The following FRK variants were observed in gnomAD, a reference collection of about 807,000 sequenced individuals.
FRK encodes the protein tyrosine-protein kinase FRK.
In FRK, 51 loss-of-function variants were observed where a neutral mutation model predicts 56.4. The observed-to-expected ratio is 0.90, with a 90% confidence interval of 0.72 to 1.14. The LOEUF is 1.14. Among genes scored for constraint, FRK ranks in the 50% most tolerant of loss-of-function variants. FRK has a pLI of 0.00. For synonymous variants in FRK, 245 were observed against 217.9 expected (o/e 1.12, Z -1.10); for missense variants, 570 against 601.4 (o/e 0.95, Z 0.55).
chr6:116,008,689 G>T (rs1206549895), intron 1 of FRK, among the ~76,000 whole-genome samples: 1 of 152,176 alleles, frequency 6.6e-6, no homozygotes, highest in African/African-American at 2.4e-5. Context: ...TAGAGCCTCT[G>T]CTGGCCCCAT....
At chr6:115,988,888 A>C (rs1189889735) in intron 2 of FRK, among the ~76,000 whole-genome samples, 1 of 152,000 alleles carries the variant, frequency 6.6e-6, no homozygotes, top group African/African-American at 2.4e-5. Flanking sequence ...ACTGAACTTA[A>C]TTTCTCAAGC....
intron 7 of FRK, 80 bp from the exon 8 acceptor site, chr6:115,942,705 C>T (rs994435952): frequency 9.3e-5 from 109 of 1,177,122 alleles, no homozygotes; most frequent in Non-Finnish European, 1.2e-4. Flanking sequence ...GCCATTTATA[C>T]TCTAGGTTAC....
the FRK span, among the ~76,000 whole-genome samples, chr6:116,088,153 T>C: frequency 1.3e-5 from 2 of 152,228 alleles, no homozygotes; most frequent in African/African-American, 4.8e-5. Flanking sequence ...TTTTTGGTAT[T>C]GTTACTGGCT....
chr6:116,003,909 C>T lies in FRK; in HGVS notation c.434G>A (p.Ser145Asn). Residue 145 changes from serine to asparagine, a missense_variant, in exon 2 of 8, where the codon AGT (serine) becomes AAT (asparagine). Ser to Asn is a conservative substitution (Grantham distance 46, BLOSUM62 1). Coordinates refer to ENST00000606080, the MANE Select transcript of FRK (RefSeq NM_002031.3). ...AGAGAATTCTCCTTTTTGGCTTTCA[C>T]TTTCTCTGATTAGAAAGGAACCGGT... is the stretch of plus-strand genomic sequence containing the variant. ...NKTGSFLIRE[S>N]ESQKGEFSLS... The T allele has an allele frequency of 6.2e-7, 1 of 1,613,620 alleles. No individual in the cohort carries two copies. Among genetic ancestry groups the T allele is most frequent in the East Asian group, 2.2e-5 (1 of 44,810 alleles).
chr6:116,003,961 T>A lies in FRK; in HGVS notation c.382A>T (p.Lys128Ter). The A allele has an allele frequency of 6.2e-7, 1 of 1,613,204 alleles. No homozygotes were observed. The highest frequency in any genetic ancestry group is 8.5e-7 in the Non-Finnish European group (1 of 1,179,388). Reference protein sequence around the residue: ...FGAIGRSDAEKQLLYSENKTG... With the variant: ...FGAIGRSDAE ...TTGTTTTCTGAATATAATAGTTGTTTCTCTGCATCTGATCTTCCGATTGCT... is the reference window on the plus strand; with the variant it reads ...TTGTTTTCTGAATATAATAGTTGTTACTCTGCATCTGATCTTCCGATTGCT... Residue 128 changes from lysine to a stop codon, truncating the protein, a stop_gained, in exon 2 of 8, where the codon AAA becomes TAA. Transcript: ENST00000606080. LOFTEE classifies it high-confidence loss of function.
Position 116,060,192 on chromosome 6 carries a change from T to C in FRK, c.120A>G (p.Ser40=). ...CCACAAAGTAGTGGCCATGCCTCTG[T>C]GACTGGGGAGAGCAAAGGGCCCCTG... ...ENPGALCSPQ[S]QRHGHYFVAL... is the part of the protein sequence containing the mutation. The change falls in exon 1 of 8, where the codon TCA becomes TCG. Residue 40 remains serine (S), a synonymous_variant. Transcript: ENST00000606080. The C allele has an allele frequency of 6.2e-7, 1 of 1,614,170 alleles. No individual in the cohort carries two copies. The highest frequency in any genetic ancestry group is 8.5e-7 in the Non-Finnish European group (1 of 1,180,026).
At chr6:115,989,697 A>G (rs76552204) in intron 2 of FRK, among the ~76,000 whole-genome samples, 1 of 151,838 alleles carries the variant, frequency 6.6e-6, no homozygotes, top group Non-Finnish European at 1.5e-5. Flanking sequence ...ATTGACACTT[A>G]TGTTGATACC....
chr6:115,995,808 A>G (rs886290161), intron 2 of FRK, among the ~76,000 whole-genome samples: 5 of 152,174 alleles, frequency 3.3e-5, no homozygotes, highest in African/African-American at 1.2e-4. Flanking sequence ...TTTATAGAGT[A>G]TTTAAAACAT....
chr6:115,944,204 G>C, intron 6 of FRK, 40 bp downstream of exon 6: 1 of 1,510,944 alleles, frequency 6.6e-7, no homozygotes, highest in South Asian at 1.2e-5. Context: ...TTAGACTTTT[G>C]ACCTATTACA....
the FRK span, among the ~76,000 whole-genome samples, chr6:116,100,217 A>G: frequency 6.6e-6 from 1 of 152,254 alleles, no homozygotes; most frequent in East Asian, 1.9e-4. Context: ...ATTGGTTTCC[A>G]TAACAAGTAT....
intron 1 of FRK, among the ~76,000 whole-genome samples, chr6:116,013,839 C>A (rs2114718707): frequency 6.6e-6 from 1 of 152,222 alleles, no homozygotes; most frequent in South Asian, 2.1e-4. Context: ...CAAGAAGGGT[C>A]AATAATGTCA....
At chr6:115,981,957 C>T (rs1774215232) in intron 2 of FRK, among the ~76,000 whole-genome samples, 1 of 151,972 alleles carries the variant, frequency 6.6e-6, no homozygotes, top group East Asian at 1.9e-4. Context: ...AAGGATTAGA[C>T]AAAGGTTACT....
intron 1 of FRK, among the ~76,000 whole-genome samples, chr6:116,038,358 A>G (rs1318357116): frequency 6.6e-6 from 1 of 152,198 alleles, no homozygotes; most frequent in African/African-American, 2.4e-5. Context: ...GTATTAGAGT[A>G]GGCTAAAATA....
chr6:115,988,395 C>T (rs938981085), intron 2 of FRK, among the ~76,000 whole-genome samples: 7 of 152,026 alleles, frequency 4.6e-5, no homozygotes, highest in South Asian at 2.1e-4. Flanking sequence ...AATTTTTTGA[C>T]GTTCATAAAG....
chr6:116,073,708 T>C, the FRK span, among the ~76,000 whole-genome samples: 1 of 152,186 alleles, frequency 6.6e-6, no homozygotes, highest in Non-Finnish European at 1.5e-5. Flanking sequence ...AAACTATTTT[T>C]CAGTTCATGC....
chr6:116,025,997 A>C (rs556852835), intron 1 of FRK, among the ~76,000 whole-genome samples: 1 of 152,304 alleles, frequency 6.6e-6, no homozygotes, highest in Non-Finnish European at 1.5e-5. Context: ...GGGTTATTGC[A>C]AAGAGTAAAG....
intron 2 of FRK, among the ~76,000 whole-genome samples, chr6:115,986,936 A>G (rs1392406812): frequency 1.3e-5 from 2 of 152,088 alleles, no homozygotes; most frequent in Non-Finnish European, 2.9e-5. Context: ...TTTGCAAACT[A>G]AATTATCCAA....
chr6:116,016,586 C>T (rs1221863913), intron 1 of FRK, among the ~76,000 whole-genome samples: 10 of 151,966 alleles, frequency 6.6e-5, no homozygotes, highest in Non-Finnish European at 2.9e-5. Context: ...GCTGCAGATA[C>T]CAACATGGAT....
chr6:116,013,962 T>C (rs779727227), intron 1 of FRK, among the ~76,000 whole-genome samples: 4 of 152,134 alleles, frequency 2.6e-5, no homozygotes, highest in Non-Finnish European at 5.9e-5. Context: ...AAATATTTTA[T>C]GACTGCTATA....
Sources: allele counts gnomAD v4.1 joint callset (sites outside exome capture counted in the v4.1 genomes callset), GRCh38; gene constraint gnomAD v4.1.1; transcripts MANE v1.5; gene names NCBI Gene and HGNC (gene_info 2026-07-23, HGNC 2026-07-21).